Variants in SETBP1 observed in about 807,000 individuals in gnomAD.
The protein encoded by SETBP1 is SET binding protein 1.
A neutral mutation model predicts 101.0 loss-of-function variants in SETBP1; 9 were observed. The ratio of observed to expected loss-of-function variants is 0.09; its 90% CI spans 0.05 to 0.16. The LOEUF is 0.16. SETBP1 is among the 10% of genes least tolerant of loss of function. The pLI is 1.00. For synonymous variants in SETBP1, 818 were observed against 788.5 expected (o/e 1.04, Z -0.63); for missense variants, 1,858 against 2,033.8 (o/e 0.91, Z 1.66).
intron 2 of SETBP1, among the ~76,000 whole-genome samples, chr18:44,710,685 C>T (rs1162419190): frequency 6.6e-6 from 1 of 152,094 alleles, no homozygotes; most frequent in Non-Finnish European, 1.5e-5. Context: ...CTCCTGACCT[C>T]GTGATCTGCC....
At chr18:44,874,592 G>A (rs1005885835) in intron 3 of SETBP1, among the ~76,000 whole-genome samples, 16 of 152,244 alleles carry the variant, frequency 1.1e-4, no homozygotes, top group African/African-American at 3.9e-4. Flanking sequence ...TGGACCAGCA[G>A]CTTCTCAGTA....
intron 2 of SETBP1, among the ~76,000 whole-genome samples, chr18:44,833,972 A>G (rs1483475658): frequency 6.6e-6 from 1 of 152,238 alleles, no homozygotes; most frequent in Non-Finnish European, 1.5e-5. Context: ...ATGATTGAAA[A>G]TTTTAACGTA....
intron 2 of SETBP1, among the ~76,000 whole-genome samples, chr18:44,857,313 C>T (rs1372683868): frequency 6.6e-6 from 1 of 152,188 alleles, no homozygotes; most frequent in Non-Finnish European, 1.5e-5. Context: ...GGTAATCTCT[C>T]CCTTTAGTAA....
intron 2 of SETBP1, among the ~76,000 whole-genome samples, chr18:44,780,854 A>T (rs2071114876): frequency 1.3e-5 from 2 of 152,192 alleles, no homozygotes; most frequent in Admixed American, 6.5e-5. Context: ...CTCCCTAAAG[A>T]TGTGGTGTCC....
chr18:44,922,365 C>T (rs1387570593), intron 3 of SETBP1, among the ~76,000 whole-genome samples: 1 of 152,228 alleles, frequency 6.6e-6, no homozygotes, highest in Non-Finnish European at 1.5e-5. Flanking sequence ...GAACTTGCAC[C>T]TGCAAAATTG....
intron 3 of SETBP1, among the ~76,000 whole-genome samples, chr18:44,882,781 G>A (rs1316918457): frequency 2.6e-5 from 4 of 152,096 alleles, no homozygotes; most frequent in Non-Finnish European, 5.9e-5. Context: ...CATGCTATAG[G>A]CTTCAGCAAC....
intron 2 of SETBP1, among the ~76,000 whole-genome samples, chr18:44,720,021 C>A (rs1316043741): frequency 6.6e-6 from 1 of 152,174 alleles, no homozygotes; most frequent in African/African-American, 2.4e-5. Flanking sequence ...AGGACCTCAG[C>A]TGAAGAGGGT....
At chr18:45,055,383 G>C (rs187568638) in intron 5 of SETBP1, among the ~76,000 whole-genome samples, 1 of 152,168 alleles carries the variant, frequency 6.6e-6, no homozygotes, top group East Asian at 1.9e-4. Context: ...AACAGGATGA[G>C]ATAAACTTGA....
At chr18:44,901,620 G>A (rs1045597774) in intron 3 of SETBP1, among the ~76,000 whole-genome samples, 1 of 152,202 alleles carries the variant, frequency 6.6e-6, no homozygotes, top group East Asian at 1.9e-4. Context: ...CCACACAGTG[G>A]GCTTGGTGAC....
chr18:44,927,909 C>A (rs946133136), intron 3 of SETBP1, among the ~76,000 whole-genome samples: 3 of 152,124 alleles, frequency 2.0e-5, no homozygotes, highest in Non-Finnish European at 4.4e-5. Context: ...TTGTTGAACA[C>A]TTCCAATGTG....
chr18:44,998,715 G>A (rs1265370906), intron 4 of SETBP1, among the ~76,000 whole-genome samples: 1 of 152,206 alleles, frequency 6.6e-6, no homozygotes, highest in Non-Finnish European at 1.5e-5. Flanking sequence ...ATGATGTTGG[G>A]GAAGGTTGGA....
intron 3 of SETBP1, among the ~76,000 whole-genome samples, chr18:44,898,311 G>A (rs2069956539): frequency 2.0e-5 from 3 of 152,172 alleles, no homozygotes; most frequent in Admixed American, 2.0e-4. Flanking sequence ...TGTACATTGA[G>A]GATGTGAATG....
At position 44,974,761 on chromosome 18, in the gene SETBP1, C is replaced by T. The variant is rs141117297; in HGVS notation, c.4000+21421C>T. The stretch of plus-strand genomic sequence containing the variant: ...AACTCTCATGATATTAAGAGCAAGA[C>T]GAGTCAAAAGCAGACCAGTTTTACC... On this transcript the variant is annotated intron_variant, in intron 4 of 5. Coordinates refer to ENST00000649279, the MANE Select transcript of SETBP1 (RefSeq NM_015559.3). 2.0e-4 allele frequency among the ~76,000 whole-genome samples: 31 copies of T among 152,202 alleles called. 1 individual carries two copies. The Middle Eastern group carries it at 0.02, about 100-fold the overall frequency.
Position 44,817,758 on chromosome 18 carries a change from G to A in SETBP1, c.487-51472G>A, listed in dbSNP as rs138061861. Among the ~76,000 whole-genome samples, 20 of 151,890 alleles carry A rather than the reference G, an allele frequency of 1.3e-4. No homozygotes were observed. In the East Asian group the frequency reaches 3.1e-3, roughly 23 times the overall value. ...TGTGGAGGGAAAATGCGGGGACTAC[G>A]AACATTCTTCAAAATCAGAAAGTCT... On this transcript the variant is annotated intron_variant, in intron 2 of 5. Transcript: ENST00000649279.
At chr18:44,747,683 A>G (rs1336544274) in intron 2 of SETBP1, among the ~76,000 whole-genome samples, 4 of 152,272 alleles carry the variant, frequency 2.6e-5, no homozygotes. Context: ...TAACTCAGTT[A>G]TTCAGAATGT....
At chr18:44,839,076 A>T (rs2072558181) in intron 2 of SETBP1, among the ~76,000 whole-genome samples, 1 of 149,000 alleles carries the variant, frequency 6.7e-6, no homozygotes, top group Admixed American at 6.7e-5. Flanking sequence ...AATATCTTAA[A>T]AAAAAAAAAA....
At chr18:45,056,541 G>C (rs574414798) in intron 5 of SETBP1, among the ~76,000 whole-genome samples, 1 of 152,228 alleles carries the variant, frequency 6.6e-6, no homozygotes, top group African/African-American at 2.4e-5. Flanking sequence ...TCTTTCTGCA[G>C]CTCAGTAAAT....
At chr18:44,838,955 A>G (rs999939323) in intron 2 of SETBP1, among the ~76,000 whole-genome samples, 3 of 152,156 alleles carry the variant, frequency 2.0e-5, no homozygotes, top group African/African-American at 7.2e-5. Context: ...AGAGAATGAA[A>G]TAAGCTCTTT....
intron 3 of SETBP1, among the ~76,000 whole-genome samples, chr18:44,931,442 A>T (rs1392879341): frequency 6.6e-6 from 1 of 152,196 alleles, no homozygotes; most frequent in Non-Finnish European, 1.5e-5. Context: ...ACTTCTGTAC[A>T]TGTCTATTAG....
Sources: gnomAD v4.1 joint callset for allele counts (sites outside exome capture counted in the v4.1 genomes callset) on GRCh38, gnomAD v4.1.1 for gene constraint, MANE v1.5 for transcripts, NCBI Gene and HGNC (gene_info 2026-07-23, HGNC 2026-07-21) for gene names.